Variants in DIXDC1 observed in about 807,000 individuals in gnomAD.
DIXDC1 encodes DIX domain containing 1.
A neutral mutation model predicts 103.1 loss-of-function variants in DIXDC1; 64 were observed. The ratio of observed to expected loss-of-function variants is 0.62; its 90% CI spans 0.51 to 0.76. The LOEUF (loss-of-function observed/expected upper bound fraction) is 0.76. DIXDC1 is among the 30% of genes least tolerant of loss of function. DIXDC1 has a pLI of 0.00. For missense variants in DIXDC1, 759 were observed against 834.2 expected (o/e 0.91, Z 1.11); for synonymous variants, 266 against 298.5 (o/e 0.89, Z 1.12).
Position 111,974,120 on chromosome 11 carries a change from G to A in DIXDC1, c.414G>A (p.Arg138=), listed in dbSNP as rs1860021905. The stretch of plus-strand genomic sequence containing the variant: ...CCAGCAGGACGGTGAACCAAGGACG[G>A]GACTCCAGAGCCCCTCTGCAAAGTC... The part of the protein sequence containing the change: ...PGSSRTVNQG[R]DSRAPLQSHR... The change falls in exon 4 of 20, where the codon CGG becomes CGA. Residue 138 remains arginine (R), a synonymous_variant. Coordinates refer to ENST00000440460, the MANE Select transcript of DIXDC1 (RefSeq NM_001037954.4). 1 of 1,613,874 alleles carries A rather than the reference G, an allele frequency of 6.2e-7. No individual in the cohort carries two copies. Among genetic ancestry groups the A allele is most frequent in the Admixed American group, 1.7e-5 (1 of 60,010 alleles).
At chr11:111,955,065 A>C (rs1555170445) in intron 1 of DIXDC1, among the ~76,000 whole-genome samples, 1 of 152,164 alleles carries the variant, frequency 6.6e-6, no homozygotes, top group African/African-American at 2.4e-5. Flanking sequence ...CAGTGAGCAC[A>C]CCTATCACCC....
rs587707814 is a variant in DIXDC1 at position 111,975,642 on chromosome 11, C to T, written c.656+659C>T. The T allele has an allele frequency of 1.2e-4, 115 of 985,704 alleles. 1 individual carries two copies. In the African/African-American group the frequency reaches 2.0e-3, roughly 17 times the overall value. 61.1% of individuals were successfully genotyped at this position (985,704 alleles called of 1,614,324 possible). On this transcript the variant is annotated intron_variant, in intron 5 of 19. Transcript: ENST00000440460. ...AAATTGTGCTTCTATAAACACTCCCCAGATCATGTTTTTACTAACTTCATT... is the reference window on the plus strand; with the variant it reads ...AAATTGTGCTTCTATAAACACTCCCTAGATCATGTTTTTACTAACTTCATT...
At chr11:111,944,536 G>C (rs185492151) in intron 1 of DIXDC1, among the ~76,000 whole-genome samples, 1 of 152,276 alleles carries the variant, frequency 6.6e-6, no homozygotes, top group African/African-American at 2.4e-5. Flanking sequence ...GGTTACATTT[G>C]GTGGCAAGAA....
At chr11:111,986,432 T>C (rs1860494183) in intron 8 of DIXDC1, among the ~76,000 whole-genome samples, 1 of 150,932 alleles carries the variant, frequency 6.6e-6, no homozygotes, top group African/African-American at 2.4e-5. Flanking sequence ...TGGCACGATC[T>C]TGGCTCACTG....
At chr11:112,012,206 T>C (rs1187151214) in intron 17 of DIXDC1, among the ~76,000 whole-genome samples, 1 of 152,136 alleles carries the variant, frequency 6.6e-6, no homozygotes, top group African/African-American at 2.4e-5. Flanking sequence ...ACAAGCCAAT[T>C]CTAAAATTTA....
At chr11:111,988,199 T>G (rs773306133) in intron 9 of DIXDC1, among the ~76,000 whole-genome samples, 32 of 151,980 alleles carry the variant, frequency 2.1e-4, no homozygotes, top group Non-Finnish European at 3.8e-4. Context: ...GCTCTCGCCT[T>G]GTTGCCTAGG....
At position 111,958,800 on chromosome 11, in the gene DIXDC1, C is replaced by G. The variant is rs1159259638; in HGVS notation, c.61-5749C>G. Among the ~76,000 whole-genome samples, 1 of 152,190 alleles carries G rather than the reference C, an allele frequency of 6.6e-6. No homozygotes were observed. Among genetic ancestry groups the G allele is most frequent in the Non-Finnish European group, 1.5e-5 (1 of 68,032 alleles). On this transcript the variant is annotated intron_variant, in intron 1 of 19. Coordinates refer to ENST00000440460, the MANE Select transcript of DIXDC1 (RefSeq NM_001037954.4). This position sits in a 1 kb window ranked among gnomAD's most constrained non-coding sequence, Gnocchi z 4.2. ...ATGAACCAATCAGTACACACTTCCT[C>G]CCCTTTGAAGCCCATCAAAACCCCA...
Position 111,964,754 on chromosome 11 carries a change from A to G in DIXDC1, c.190+76A>G, listed in dbSNP as rs1592571523. 4 of 1,462,550 alleles carry G rather than the reference A, an allele frequency of 2.7e-6. No individual in the cohort carries two copies. In the East Asian group the frequency reaches 9.7e-5, roughly 36 times the overall value. 90.6% of individuals were successfully genotyped at this position (1,462,550 alleles called of 1,614,324 possible). A position where few individuals can be genotyped will look rare whatever the true frequency, so the allele number is the denominator to read the frequency against. On this transcript the variant is annotated intron_variant, in intron 2 of 19. Coordinates refer to ENST00000440460, the MANE Select transcript of DIXDC1 (RefSeq NM_001037954.4). ...CTTCTTTATCCTTCTTATGCCCTTT[A>G]GAGCAGGTTATTTTTTCTTTAGAAT...
chr11:111,982,121 A>C (rs1860323846), intron 6 of DIXDC1: 1 of 422,024 alleles, frequency 2.4e-6, no homozygotes, highest in Non-Finnish European at 4.2e-6. Context: ...GAGTTTTAAA[A>C]GAGGATAGAT....
At chr11:111,984,389 A>G (rs189240775) in intron 7 of DIXDC1, among the ~76,000 whole-genome samples, 53 of 152,276 alleles carry the variant, frequency 3.5e-4, no homozygotes, top group African/African-American at 1.3e-3. Context: ...TTTACTAAAA[A>G]TACAAAAATT....
chr11:112,019,346 G>A lies in DIXDC1; in HGVS notation c.*310G>A, dbSNP rs1861688550. On this transcript the variant is annotated 3_prime_UTR_variant, in exon 20 of 20. Coordinates refer to ENST00000440460, the MANE Select transcript of DIXDC1 (RefSeq NM_001037954.4). ...GATGGGGATGGATGATCCCGCCTCT[G>A]TAGGGGCATGGCTGCTATTATCTGG... 1 of 195,460 alleles carries A rather than the reference G, an allele frequency of 5.1e-6. No homozygotes were observed. The highest frequency in any genetic ancestry group is 1.1e-5 in the Non-Finnish European group (1 of 95,010). The allele number at this position is 195,460 out of a possible 1,614,324, so 12.1% of individuals were successfully genotyped here.
intron 2 of DIXDC1, among the ~76,000 whole-genome samples, chr11:111,966,468 A>G (rs868932549): frequency 4.7e-4 from 68 of 146,210 alleles, no homozygotes; most frequent in African/African-American, 1.6e-3. Context: ...CAGTGGCGCA[A>G]TCTCGGCTCA....
At chr11:111,947,642 A>G (rs1966643056) in intron 1 of DIXDC1, among the ~76,000 whole-genome samples, 1 of 152,198 alleles carries the variant, frequency 6.6e-6, no homozygotes, top group Admixed American at 6.5e-5. Flanking sequence ...GTCTCCCTAA[A>G]TTAGACATAA....
intron 10 of DIXDC1, among the ~76,000 whole-genome samples, chr11:111,992,066 G>A (rs1332070006): frequency 2.6e-5 from 4 of 152,200 alleles, no homozygotes; most frequent in Non-Finnish European, 5.9e-5. Flanking sequence ...GTAAGTGGTA[G>A]GTTTATAATT....
intron 1 of DIXDC1, among the ~76,000 whole-genome samples, chr11:111,948,759 G>A (rs4357723): frequency 0.024 from 3,677 of 151,466 alleles, 161 homozygotes; most frequent in African/African-American, 0.085. Flanking sequence ...TTCATAGGAA[G>A]GAATGACTTG....
At chr11:112,006,132 T>C (rs1002246176) in intron 17 of DIXDC1, among the ~76,000 whole-genome samples, 22 of 152,074 alleles carry the variant, frequency 1.4e-4, no homozygotes, top group African/African-American at 5.1e-4. Flanking sequence ...CAGGAGCTAC[T>C]ATCCAGTGCC....
chr11:111,954,667 CTCTATTGTA>C (rs1406984245), intron 1 of DIXDC1, among the ~76,000 whole-genome samples: 1 of 152,116 alleles, frequency 6.6e-6, no homozygotes, highest in African/African-American at 2.4e-5. Context: ...TATACAAATA[CTCTATTGTA>C]GTTAATAAAT....
At position 111,977,213 on chromosome 11, in the gene DIXDC1, C is replaced by T. The variant is rs900414392; in HGVS notation, c.656+2230C>T. ...CCGCACCCTCAACCTCCGTCCAGAG[C>T]GGTCGGTTGGCCAGCGGAGCTGGCT... On this transcript the variant is annotated intron_variant, in intron 5 of 19. Coordinates refer to ENST00000440460, the MANE Select transcript of DIXDC1 (RefSeq NM_001037954.4). The surrounding 1 kb of genome is among the most constrained non-coding windows in gnomAD (Gnocchi z 6.1). 5.1e-6 allele frequency: 5 copies of T among 979,460 alleles called. No individual in the cohort carries two copies. Among genetic ancestry groups the T allele is most frequent in the African/African-American group, 1.8e-5 (1 of 56,990 alleles). The allele number at this position is 979,460 out of a possible 1,614,324, so 60.7% of individuals were successfully genotyped here.
rs781869176 is a variant in DIXDC1 at position 111,994,635 on chromosome 11, A to AAT, written c.1438-373_1438-372dup. Among the ~76,000 whole-genome samples the AAT allele has an allele frequency of 3.5e-3, 525 of 151,082 alleles. 1 individual carries two copies. The highest frequency in any genetic ancestry group is 0.031 in the Middle Eastern group (9 of 288). On this transcript the variant is annotated intron_variant, in intron 14 of 19. Transcript: ENST00000440460. ...ATATGTATGTGTATATATATGTATGAATATATATATATGTGTGTGTGTATA... is the reference window on the plus strand; with the variant it reads ...ATATGTATGTGTATATATATGTATGAATATATATATATATGTGTGTGTGTATA...
Sources: gnomAD v4.1 joint callset for allele counts (sites outside exome capture counted in the v4.1 genomes callset) on GRCh38, gnomAD v4.1.1 for gene constraint, Gnocchi (gnomAD v3.1) non-coding constraint, MANE v1.5 for transcripts, NCBI Gene and HGNC (gene_info 2026-07-23, HGNC 2026-07-21) for gene names.